Variants in SLC12A3 observed in about 807,000 individuals in gnomAD.
SLC12A3 encodes the protein Na-Cl cotransporter.
In SLC12A3, 104 loss-of-function variants were observed where a neutral mutation model predicts 121.0. That is an observed-to-expected ratio of 0.86 (90% CI 0.73 to 1.01). The LOEUF (loss-of-function observed/expected upper bound fraction) is 1.01, where lower values mean the gene tolerates loss of function less well. Ranked by LOEUF, SLC12A3 falls within the 50% of genes least tolerant of loss-of-function variation. The probability of loss-of-function intolerance (pLI) is 0.00; values close to 1 mark genes in which losing one functional copy is unlikely to be tolerated. For missense variants in SLC12A3, 1,328 were observed against 1,356.3 expected, an observed-to-expected ratio of 0.98 and a Z score of 0.33; for synonymous variants, 536 against 533.4, an observed-to-expected ratio of 1.00 and a Z score of -0.07.
chr16:56,885,451 G>A lies in SLC12A3; in HGVS notation c.1925+87G>A, dbSNP rs2055298339. ...GTTTCCAAGCCTAGACCTGTCACCTGACCCAGGCAGACCCAGGGTATGTGC... is the reference window on the plus strand; with the variant it reads ...GTTTCCAAGCCTAGACCTGTCACCTAACCCAGGCAGACCCAGGGTATGTGC... On this transcript the variant is annotated intron_variant, in intron 15 of 25. Coordinates refer to ENST00000563236, the MANE Select transcript of SLC12A3 (RefSeq NM_001126108.2). 1.2e-5 allele frequency: 10 copies of A among 825,450 alleles called. No individual in the cohort carries two copies. In the East Asian group the frequency reaches 2.7e-4, roughly 22 times the overall value. 51.1% of individuals were successfully genotyped at this position (825,450 alleles called of 1,614,324 possible).
At chr16:56,869,309 G>A (rs751255183) in intron 3 of SLC12A3, among the ~76,000 whole-genome samples, 3 of 152,156 alleles carry the variant, frequency 2.0e-5, no homozygotes, top group Non-Finnish European at 4.4e-5. Context: ...GCTATTCAGA[G>A]TATGACAGGA....
chr16:56,866,206 G>A (rs1373161297), intron 1 of SLC12A3, among the ~76,000 whole-genome samples: 2 of 152,066 alleles, frequency 1.3e-5, no homozygotes, highest in Admixed American at 6.5e-5. Flanking sequence ...GGCTGGTCTT[G>A]AACTCCTGAC....
At chr16:56,875,169 G>A (rs1409503910) in intron 8 of SLC12A3, among the ~76,000 whole-genome samples, 2 of 152,182 alleles carry the variant, frequency 1.3e-5, no homozygotes, top group South Asian at 2.1e-4. Context: ...ATGCCCTCAA[G>A]CTTTAAGGGG....
At chr16:56,912,023 G>A (rs777051578) in intron 25 of SLC12A3, among the ~76,000 whole-genome samples, 7 of 152,244 alleles carry the variant, frequency 4.6e-5, no homozygotes, top group African/African-American at 1.4e-4. Flanking sequence ...GCAAAGCCAC[G>A]ACTCGGACGC....
intron 18 of SLC12A3, among the ~76,000 whole-genome samples, chr16:56,888,549 A>ATTTTTTTTTTTTT (rs749206626): frequency 1.2e-5 from 1 of 85,918 alleles, no homozygotes; most frequent in Non-Finnish European, 2.1e-5. Context: ...AGATCTTTTA[A>ATTTTTTTTTTTTT]TTTTTTTTTT....
At chr16:56,876,085 G>A (rs1355776451) in intron 8 of SLC12A3, among the ~76,000 whole-genome samples, 1 of 152,034 alleles carries the variant, frequency 6.6e-6, no homozygotes, top group Non-Finnish European at 1.5e-5. Flanking sequence ...GGAGAATCCT[G>A]CCTTGCCTCT....
intron 5 of SLC12A3, 110 bp downstream of exon 5, chr16:56,870,345 C>A: frequency 8.4e-7 from 1 of 1,188,930 alleles, no homozygotes; most frequent in Non-Finnish European, 1.2e-6. Context: ...CTTCACCCAT[C>A]AGGAACCACA....
At chr16:56,872,869 C>T (rs2055117757) in intron 8 of SLC12A3, 83 bp downstream of exon 8, 2 of 1,563,392 alleles carry the variant, frequency 1.3e-6, no homozygotes, top group Non-Finnish European at 1.8e-6. Flanking sequence ...CTAGTGGCAT[C>T]TGCCGCTGAC....
intron 23 of SLC12A3, among the ~76,000 whole-genome samples, chr16:56,900,356 C>G (rs918888517): frequency 2.6e-5 from 4 of 152,066 alleles, no homozygotes; most frequent in Non-Finnish European, 4.4e-5. Context: ...AGTTGCAATG[C>G]TGCAGAGACA....
chr16:56,901,560 G>A (rs113544976), intron 23 of SLC12A3, among the ~76,000 whole-genome samples: 103 of 152,074 alleles, frequency 6.8e-4, no homozygotes, highest in African/African-American at 2.2e-3. Context: ...GGCTGGTCTC[G>A]AACTTCTGAC....
chr16:56,884,578 C>T (rs888047288), intron 14 of SLC12A3, among the ~76,000 whole-genome samples: 15 of 152,178 alleles, frequency 9.9e-5, no homozygotes, highest in Admixed American at 9.8e-4. Flanking sequence ...GGATGGCAGG[C>T]AGACAAAGCT....
intron 3 of SLC12A3, 87 bp downstream of exon 3, chr16:56,868,459 C>T: frequency 3.0e-6 from 4 of 1,338,614 alleles, no homozygotes; most frequent in East Asian, 2.5e-5. Flanking sequence ...TCCCAGACCC[C>T]AAGGTTGCAG....
At chr16:56,882,317 C>T in intron 12 of SLC12A3, 79 bp from the exon 13 acceptor site, 1 of 1,215,944 alleles carries the variant, frequency 8.2e-7, no homozygotes, top group East Asian at 2.3e-5. Context: ...GGGTCCCCCA[C>T]CCTGGGAAGG....
At chr16:56,888,537 C>A (rs1208382974) in intron 18 of SLC12A3, among the ~76,000 whole-genome samples, 1 of 148,970 alleles carries the variant, frequency 6.7e-6, no homozygotes, top group Non-Finnish European at 1.5e-5. Flanking sequence ...CCCAATGTTG[C>A]CAGATCTTTT....
chr16:56,911,069 C>G (rs1306948248), intron 25 of SLC12A3, among the ~76,000 whole-genome samples: 1 of 152,170 alleles, frequency 6.6e-6, no homozygotes, highest in Non-Finnish European at 1.5e-5. Flanking sequence ...TGTTCCCCAC[C>G]CCCATGGTGC....
intron 22 of SLC12A3, among the ~76,000 whole-genome samples, chr16:56,897,425 T>C (rs1241944956): frequency 6.6e-6 from 1 of 152,194 alleles, no homozygotes; most frequent in Non-Finnish European, 1.5e-5. Context: ...CACCACCCGG[T>C]CCTATGCCAG....
At chr16:56,888,070 T>G (rs377643754) in intron 18 of SLC12A3, 39 bp downstream of exon 18, 1 of 1,469,086 alleles carries the variant, frequency 6.8e-7, no homozygotes, top group Non-Finnish European at 9.5e-7. Flanking sequence ...GGTCTGTTAA[T>G]TTGGGCCCAT....
chr16:56,912,779 T>C (rs2055702837), intron 25 of SLC12A3, among the ~76,000 whole-genome samples: 1 of 151,912 alleles, frequency 6.6e-6, no homozygotes, highest in Non-Finnish European at 1.5e-5. Context: ...AGTGGGGTGA[T>C]GTGAGGAAGA....
rs2144677828 is a variant in SLC12A3 at position 56,865,305 on chromosome 16, A to T, written c.70A>T (p.Thr24Ser). Residue 24 changes from threonine to serine, a missense_variant, in exon 1 of 26, where the codon ACA becomes TCA. By Grantham distance (58) the Thr-to-Ser change is moderately conservative. Coordinates refer to ENST00000563236, the MANE Select transcript of SLC12A3 (RefSeq NM_001126108.2). ...TLCSGRFTIS[T>S]LLSSDEPSPP... ...GTGCAGCGGGCGCTTCACCATCAGC[A>T]CACTGCTGAGCAGTGATGAGCCCTC... 2 of 1,614,002 alleles carry T rather than the reference A, an allele frequency of 1.2e-6. No individual in the cohort carries two copies. The highest frequency in any genetic ancestry group is 4.5e-5 in the East Asian group (2 of 44,874).
Sources: gnomAD v4.1 joint callset for allele counts (sites outside exome capture counted in the v4.1 genomes callset) on GRCh38, gnomAD v4.1.1 for gene constraint, MANE v1.5 for transcripts, NCBI Gene and HGNC (gene_info 2026-07-23, HGNC 2026-07-21) for gene names.